The following CSRNP3 variants were observed in gnomAD, a reference collection of about 807,000 sequenced individuals.
CSRNP3 encodes the protein cysteine/serine-rich nuclear protein 3.
In CSRNP3, 12 loss-of-function variants were observed where a neutral mutation model predicts 48.0. The observed-to-expected ratio is 0.25, with a 90% CI of 0.16 to 0.41. The LOEUF (loss-of-function observed/expected upper bound fraction) is 0.41, where lower values mean the gene tolerates loss of function less well. Among genes scored for constraint, CSRNP3 ranks in the 10% least tolerant of loss-of-function variants. The probability of loss-of-function intolerance (pLI) is 1.00; values close to 1 mark genes in which losing one functional copy is unlikely to be tolerated. For synonymous variants in CSRNP3, 263 were observed against 269.7 expected (o/e 0.98, Z 0.24); for missense variants, 580 against 724.4 (o/e 0.80, Z 2.29).
chr2:165,512,533 A>G (rs573844428), intron 2 of CSRNP3, among the ~76,000 whole-genome samples: 1 of 152,374 alleles, frequency 6.6e-6, no homozygotes, highest in East Asian at 1.9e-4. Context: ...ATTTGGTTAT[A>G]TAACTCTTGT....
intron 4 of CSRNP3, among the ~76,000 whole-genome samples, chr2:165,602,421 G>T: frequency 6.6e-6 from 1 of 152,104 alleles, no homozygotes; most frequent in African/African-American, 2.4e-5. Flanking sequence ...TACACAATCT[G>T]GGACCAGCTG....
At chr2:165,615,294 A>T (rs922539370) in intron 4 of CSRNP3, among the ~76,000 whole-genome samples, 1 of 152,196 alleles carries the variant, frequency 6.6e-6, no homozygotes, top group African/African-American at 2.4e-5. Flanking sequence ...CTGTAATCCC[A>T]GCACTTTGGG....
At chr2:165,588,949 C>T (rs144239251) in intron 3 of CSRNP3, among the ~76,000 whole-genome samples, 2 of 152,144 alleles carry the variant, frequency 1.3e-5, no homozygotes, top group African/African-American at 4.8e-5. Flanking sequence ...GCGACAGAAA[C>T]CCTGTCTCAA....
At chr2:165,515,338 C>CATATATATAT (rs60927595) in intron 2 of CSRNP3, among the ~76,000 whole-genome samples, 5,093 of 142,170 alleles carry the variant, frequency 0.036, 147 homozygotes, top group Middle Eastern at 0.056. Context: ...AAAAAAAATA[C>CATATATATAT]ATATATATAT....
intron 1 of CSRNP3, among the ~76,000 whole-genome samples, chr2:165,480,082 G>A (rs1007202884): frequency 1.3e-5 from 2 of 152,084 alleles, no homozygotes; most frequent in African/African-American, 4.8e-5. Context: ...CCTGCTGCCT[G>A]TCAGCCGGCT....
chr2:165,579,914 G>T (rs920039515), intron 3 of CSRNP3, among the ~76,000 whole-genome samples: 1 of 141,930 alleles, frequency 7.0e-6, no homozygotes, highest in African/African-American at 2.6e-5. Flanking sequence ...GGAATATCAT[G>T]ACTCTACTTT....
intron 3 of CSRNP3, among the ~76,000 whole-genome samples, chr2:165,591,165 A>G (rs1436999320): frequency 6.6e-6 from 1 of 152,160 alleles, no homozygotes; most frequent in African/African-American, 2.4e-5. Context: ...GAGGACTCTG[A>G]TGGAGATGGG....
rs143303871 is a variant in CSRNP3, at chr2:165,648,077, T to C, written c.149-9684T>C. On this transcript the variant is annotated intron_variant, in intron 4 of 6. Transcript: ENST00000651982. ...AGCAAAACATTAATATTGCATTGTG[T>C]TTCCAATATTTTGCTCAAGGATTTT... 1.6e-4 allele frequency among the ~76,000 whole-genome samples: 24 copies of C among 152,286 alleles called. No individual in the cohort carries two copies. The East Asian group carries it at 3.9e-3, about 24-fold the overall frequency.
chr2:165,507,831 C>A (rs1274421041), intron 2 of CSRNP3, among the ~76,000 whole-genome samples: 1 of 152,110 alleles, frequency 6.6e-6, no homozygotes, highest in African/African-American at 2.4e-5. Context: ...CTTATTGTGG[C>A]AGAAAAGATA....
intron 1 of CSRNP3, among the ~76,000 whole-genome samples, chr2:165,475,356 TA>T (rs1379267606): frequency 1.3e-5 from 2 of 152,176 alleles, no homozygotes; most frequent in South Asian, 2.1e-4. Flanking sequence ...AGCTGAGTGT[TA>T]AATGGAAAAC....
At chr2:165,569,492 G>A (rs192024840) in intron 3 of CSRNP3, among the ~76,000 whole-genome samples, 1 of 152,038 alleles carries the variant, frequency 6.6e-6, no homozygotes, top group East Asian at 1.9e-4. Flanking sequence ...ATTCTATGAG[G>A]CCTATTTGTC....
chr2:165,534,389 G>A (rs1684855170), intron 3 of CSRNP3, among the ~76,000 whole-genome samples: 1 of 151,964 alleles, frequency 6.6e-6, no homozygotes. Context: ...ACTGAAAAGT[G>A]TGTAGGACAG....
chr2:165,483,044 GTA>G (rs10605081), intron 1 of CSRNP3, among the ~76,000 whole-genome samples: 44,035 of 149,520 alleles, frequency 0.29, 6,874 homozygotes, highest in East Asian at 0.39. Flanking sequence ...GTGTGTGTAT[GTA>G]TATATATATG....
rs893505948 is a variant in CSRNP3 at position 165,684,058 on chromosome 2, C to G, written c.*4305C>G. 2.6e-5 allele frequency: 4 copies of G among 152,124 alleles called. No individual in the cohort carries two copies. The South Asian group carries it at 8.3e-4, about 31-fold the overall frequency. The allele number at this position is 152,124 out of a possible 1,614,324, so 9.4% of individuals were successfully genotyped here. ...CCAGCAAACTCCTATCAGACAGTTT[C>G]AAGGAGGATTTGACTCATGCATAAC... On this transcript the variant is annotated 3_prime_UTR_variant, in exon 7 of 7. Transcript: ENST00000651982.
intron 3 of CSRNP3, among the ~76,000 whole-genome samples, chr2:165,521,173 C>CAAAA (rs1348766008): frequency 7.4e-6 from 1 of 135,644 alleles, no homozygotes; most frequent in Non-Finnish European, 1.6e-5. Context: ...ATGGGAAAGC[C>CAAAA]AAAAAAAAAA....
In CSRNP3 at chr2:165,482,366, C is replaced by T. The variant is rs569601805; in HGVS notation, c.-282-12393C>T. ...GCAACCTCCACCTCCTGAGTCCAAG[C>T]GATTCTTGTGCCTCAGCCTCCTGAG... is the stretch of plus-strand genomic sequence containing the variant. On this transcript the variant is annotated intron_variant, in intron 1 of 6. Transcript: ENST00000651982. Among the ~76,000 whole-genome samples the T allele has an allele frequency of 5.2e-3, 794 of 151,748 alleles. 2 individuals carry two copies. Among genetic ancestry groups the T allele is most frequent in the Non-Finnish European group, 8.9e-3 (606 of 67,962 alleles).
intron 6 of CSRNP3, among the ~76,000 whole-genome samples, chr2:165,677,114 T>C (rs146621515): frequency 6.6e-6 from 1 of 152,360 alleles, no homozygotes; most frequent in African/African-American, 2.4e-5. Context: ...TCAGGCCCAC[T>C]GGGTTACTTT....
intron 1 of CSRNP3, among the ~76,000 whole-genome samples, chr2:165,491,192 T>A (rs1490278032): frequency 1.7e-5 from 1 of 59,354 alleles, no homozygotes; most frequent in Non-Finnish European, 3.3e-5. Context: ...AAAAAACACA[T>A]GAAAAAATGC....
chr2:165,608,151 G>A (rs896480205), intron 4 of CSRNP3, among the ~76,000 whole-genome samples: 38 of 151,066 alleles, frequency 2.5e-4, no homozygotes, highest in African/African-American at 7.0e-4. Flanking sequence ...AATGAAAATC[G>A]TGAATTATTT....
Sources: gnomAD v4.1 joint callset for allele counts (sites outside exome capture counted in the v4.1 genomes callset) on GRCh38, gnomAD v4.1.1 for gene constraint, MANE v1.5 for transcripts, NCBI Gene and HGNC (gene_info 2026-07-23, HGNC 2026-07-21) for gene names.